The following SLC1A2 variants were observed in gnomAD, a reference collection of about 807,000 sequenced individuals.
SLC1A2 encodes the protein solute carrier family 1 member 2, also known as excitatory amino acid transporter 2.
SLC1A2 carries 15 observed loss-of-function variants against 48.8 expected under a neutral mutation model. The observed-to-expected ratio is 0.31, with a 90% CI of 0.21 to 0.47. SLC1A2 has a LOEUF of 0.47. Among genes scored for constraint, SLC1A2 ranks in the 20% least tolerant of loss-of-function variants. The pLI, the probability that SLC1A2 is intolerant of heterozygous loss-of-function variation, is 0.99. For missense variants in SLC1A2, 502 were observed against 730.5 expected (o/e 0.69, Z 3.61); for synonymous variants, 279 against 272.6 (o/e 1.02, Z -0.23).
chr11:35,268,662 C>CA lies in SLC1A2; in HGVS notation c.1422-2905dup, dbSNP rs56207184. ...TCTGGGCAAGAGCAAGACTCTGCCTCAAAAAAAAAAAAAGAAAGAAAGAAA... is the reference window on the plus strand; with the variant it reads ...TCTGGGCAAGAGCAAGACTCTGCCTCAAAAAAAAAAAAAAGAAAGAAAGAAA... On this transcript the variant is annotated intron_variant, in intron 9 of 10. Transcript: ENST00000278379. Among the ~76,000 whole-genome samples, 659 of 94,426 alleles carry CA rather than the reference C, an allele frequency of 7.0e-3. 1 individual carries two copies. The highest frequency in any genetic ancestry group is 0.045 in the East Asian group (160 of 3,576). 61.9% of individuals were successfully genotyped at this position (94,426 alleles called of 152,430 possible). A position where few individuals can be genotyped will look rare whatever the true frequency, so the allele number is the denominator to read the frequency against.
Position 35,260,679 on chromosome 11 carries a change from G to C in SLC1A2, c.*215C>G. Reference sequence around the variant, plus strand: ...TCCATTCAAATAATAATACAAGTGAGAAAATTAGACGGTTATAAAGCATTA... The same window carrying C: ...TCCATTCAAATAATAATACAAGTGACAAAATTAGACGGTTATAAAGCATTA... On this transcript the variant is annotated 3_prime_UTR_variant, in exon 11 of 11. Coordinates refer to ENST00000278379, the MANE Select transcript of SLC1A2 (RefSeq NM_004171.4). The C allele has an allele frequency of 1.9e-6, 1 of 533,108 alleles. No individual in the cohort carries two copies. The highest frequency in any genetic ancestry group is 2.4e-5 in the South Asian group (1 of 41,346). 33.0% of individuals were successfully genotyped at this position (533,108 alleles called of 1,614,324 possible). A position where few individuals can be genotyped will look rare whatever the true frequency, so the allele number is the denominator to read the frequency against.
At chr11:35,343,777 C>T (rs940832777) in intron 1 of SLC1A2, among the ~76,000 whole-genome samples, 1 of 151,826 alleles carries the variant, frequency 6.6e-6, no homozygotes. Context: ...TATCTGTGCA[C>T]CAGGATGTGC....
chr11:35,278,203 C>T (rs1349937751), intron 9 of SLC1A2, among the ~76,000 whole-genome samples: 1 of 151,748 alleles, frequency 6.6e-6, no homozygotes, highest in East Asian at 1.9e-4. Flanking sequence ...AAATCTATGG[C>T]CTTCCTTGCA....
intron 1 of SLC1A2, among the ~76,000 whole-genome samples, chr11:35,345,924 C>T (rs963718316): frequency 6.6e-6 from 1 of 152,200 alleles, no homozygotes; most frequent in African/African-American, 2.4e-5. Context: ...CACAACCTCT[C>T]TATAAAGTTG....
At chr11:35,394,539 C>T (rs1854893642) in intron 1 of SLC1A2, among the ~76,000 whole-genome samples, 1 of 152,214 alleles carries the variant, frequency 6.6e-6, no homozygotes. Flanking sequence ...GACCAAATGA[C>T]CCAGCCAAAA....
At chr11:35,267,770 T>TG (rs1177231885) in intron 9 of SLC1A2, among the ~76,000 whole-genome samples, 3 of 126,756 alleles carry the variant, frequency 2.4e-5, no homozygotes, top group Non-Finnish European at 3.5e-5. Flanking sequence ...CTATGTCAAA[T>TG]GGGGAAAAAA....
At chr11:35,364,958 G>A (rs1853792872) in intron 1 of SLC1A2, among the ~76,000 whole-genome samples, 1 of 152,214 alleles carries the variant, frequency 6.6e-6, no homozygotes, top group Non-Finnish European at 1.5e-5. Context: ...CCTGGTGGAT[G>A]GCAGAGCAGG....
intron 9 of SLC1A2, among the ~76,000 whole-genome samples, chr11:35,280,107 T>A (rs2134681785): frequency 6.6e-6 from 1 of 152,314 alleles, no homozygotes; most frequent in Admixed American, 6.5e-5. Context: ...TTGTGTTCCT[T>A]CCCAGTTAAT....
intron 1 of SLC1A2, among the ~76,000 whole-genome samples, chr11:35,338,602 G>T (rs1047687741): frequency 6.6e-6 from 1 of 152,154 alleles, no homozygotes; most frequent in African/African-American, 2.4e-5. Flanking sequence ...TGTGTCCAGA[G>T]CTGCCGGGAG....
intron 1 of SLC1A2, among the ~76,000 whole-genome samples, chr11:35,385,352 G>A (rs894797464): frequency 2.0e-5 from 3 of 152,180 alleles, no homozygotes; most frequent in Non-Finnish European, 4.4e-5. Context: ...AACCCTGAAA[G>A]GGAAATATTA....
At chr11:35,375,263 T>C (rs1015917249) in intron 1 of SLC1A2, among the ~76,000 whole-genome samples, 4 of 152,202 alleles carry the variant, frequency 2.6e-5, no homozygotes, top group Non-Finnish European at 4.4e-5. Context: ...TACCAAGACA[T>C]TGAAGCCCAG....
chr11:35,322,482 A>G, intron 1 of SLC1A2: 2 of 830,542 alleles, frequency 2.4e-6, no homozygotes, highest in Non-Finnish European at 3.9e-6. Context: ...AGGTGGCAAC[A>G]GAACACTCCC....
At chr11:35,272,900 G>C (rs1264501180) in intron 9 of SLC1A2, among the ~76,000 whole-genome samples, 1 of 152,088 alleles carries the variant, frequency 6.6e-6, no homozygotes, top group Non-Finnish European at 1.5e-5. Flanking sequence ...TGAGTCACTG[G>C]GTCTGGTTCA....
intron 1 of SLC1A2, chr11:35,322,946 T>C: frequency 1.7e-6 from 1 of 601,404 alleles, no homozygotes; most frequent in Non-Finnish European, 3.0e-6. Flanking sequence ...CTAGATCCTG[T>C]AAGACCTGCC....
intron 8 of SLC1A2, among the ~76,000 whole-genome samples, chr11:35,283,191 C>T (rs571749580): frequency 6.6e-5 from 10 of 152,142 alleles, no homozygotes; most frequent in Admixed American, 1.3e-4. Flanking sequence ...TTCAATGCCA[C>T]ACTTGTCCTT....
chr11:35,281,019 T>G lies in SLC1A2; in HGVS notation c.1287-18A>C. 1 of 1,572,884 alleles carries G rather than the reference T, an allele frequency of 6.4e-7. No homozygotes were observed. Among genetic ancestry groups the G allele is most frequent in the Non-Finnish European group, 8.6e-7 (1 of 1,160,476 alleles). On this transcript the variant is annotated intron_variant, in intron 8 of 10. Coordinates refer to ENST00000278379, the MANE Select transcript of SLC1A2 (RefSeq NM_004171.4). Reference sequence around the variant, plus strand: ...CTGTGAGGCTATGAGAACAGAGAAGTTCAGGTCATGGAAATGGAAAGAATC... The same window carrying G: ...CTGTGAGGCTATGAGAACAGAGAAGGTCAGGTCATGGAAATGGAAAGAATC...
chr11:35,313,367 C>T (rs191033731), intron 3 of SLC1A2, among the ~76,000 whole-genome samples: 4 of 152,310 alleles, frequency 2.6e-5, no homozygotes, highest in Admixed American at 2.0e-4. Context: ...CCGTGAAGCA[C>T]CCTGCCAATG....
intron 10 of SLC1A2, 111 bp from the exon 11 acceptor site, chr11:35,261,076 T>C (rs547730575): frequency 5.2e-5 from 41 of 782,416 alleles, no homozygotes; most frequent in Non-Finnish European, 8.1e-5. Flanking sequence ...GACTGAAATA[T>C]TAGTTTTAAA....
At chr11:35,379,996 G>A (rs2135199268) in intron 1 of SLC1A2, among the ~76,000 whole-genome samples, 1 of 152,294 alleles carries the variant, frequency 6.6e-6, no homozygotes, top group Non-Finnish European at 1.5e-5. Context: ...TACCGGGTCA[G>A]GTTCATTATG....
Sources: gnomAD v4.1 joint callset for allele counts (sites outside exome capture counted in the v4.1 genomes callset) on GRCh38, gnomAD v4.1.1 for gene constraint, MANE v1.5 for transcripts, NCBI Gene and HGNC (gene_info 2026-07-23, HGNC 2026-07-21) for gene names.